The following CEP170 variants were observed in gnomAD, a reference collection of about 807,000 sequenced individuals.
CEP170 encodes centrosomal protein 170.
In CEP170, 21 loss-of-function variants were observed where a neutral mutation model predicts 151.9. The ratio of observed to expected loss-of-function variants is 0.14; its 90% confidence interval spans 0.10 to 0.20. CEP170 has a LOEUF of 0.20. Among genes scored for constraint, CEP170 ranks in the 10% least tolerant of loss-of-function variants. The pLI is 1.00. For missense variants in CEP170, 964 were observed against 1,892.9 expected, an observed-to-expected ratio of 0.51 and a Z score of 9.11; for synonymous variants, 356 against 648.8, an observed-to-expected ratio of 0.55 and a Z score of 6.86.
intron 1 of CEP170, among the ~76,000 whole-genome samples, chr1:243,243,774 C>A (rs958826109): frequency 6.6e-6 from 1 of 152,130 alleles, no homozygotes. Flanking sequence ...GATCCGCCTA[C>A]CTCAGCCTCC....
intron 15 of CEP170, chr1:243,140,452 C>T: frequency 5.7e-6 from 1 of 175,282 alleles, no homozygotes; most frequent in Non-Finnish European, 1.2e-5. Flanking sequence ...ATTTTACTCA[C>T]ATTGCCTTAC....
chr1:243,220,551 GT>G (rs112191804), intron 3 of CEP170, among the ~76,000 whole-genome samples: 18 of 151,768 alleles, frequency 1.2e-4, no homozygotes, highest in Non-Finnish European at 2.2e-4. Flanking sequence ...TTCAGAATTG[GT>G]TAAAAAAAAT....
chr1:243,234,699 A>G (rs2064102262), intron 1 of CEP170, among the ~76,000 whole-genome samples: 1 of 152,222 alleles, frequency 6.6e-6, no homozygotes, highest in African/African-American at 2.4e-5. Context: ...ATATATCCTC[A>G]ACACCAGAAG....
rs775187904 is a variant in CEP170, at chr1:243,165,739, C to T, written c.2221G>A (p.Val741Ile). Residue 741 changes from valine (V) to isoleucine (I), a missense_variant, in exon 13 of 20, where the codon GTA becomes ATA. Transcript: ENST00000366542. ...KSETDKETSL[V>I]KQTLAKLQQQ... ...TGAAGTTTTGCTAATGTTTGCTTTA[C>T]CAAAGAAGTTTCCTTATCAGTTTCA... 1 of 1,614,076 alleles carries T rather than the reference C, an allele frequency of 6.2e-7. No individual in the cohort carries two copies. The highest frequency in any genetic ancestry group is 8.5e-7 in the Non-Finnish European group (1 of 1,179,900).
chr1:243,175,783 G>C (rs974065147), intron 10 of CEP170, among the ~76,000 whole-genome samples: 8 of 132,304 alleles, frequency 6.0e-5, no homozygotes, highest in Non-Finnish European at 1.1e-4. Flanking sequence ...CCTGCTGGAA[G>C]GCTCAACAGT....
chr1:243,185,667 A>G lies in CEP170; in HGVS notation c.1566+112T>C. ...TGCAGTTCCCTAACAAAACCCTAAA[A>G]TTCACATACCACTGACTGCATGACA... is the stretch of plus-strand genomic sequence containing the variant. On this transcript the variant is annotated intron_variant, in intron 10 of 19. Coordinates refer to ENST00000366542, the MANE Select transcript of CEP170 (RefSeq NM_014812.3). This position sits in a 1 kb window ranked among gnomAD's most constrained non-coding sequence, Gnocchi z 4.9. 7.0e-7 allele frequency: 1 copy of G among 1,419,008 alleles called. No individual in the cohort carries two copies. The highest frequency in any genetic ancestry group is 1.4e-5 in the South Asian group (1 of 70,134). The allele number at this position is 1,419,008 out of a possible 1,614,324, so 87.9% of individuals were successfully genotyped here.
intron 13 of CEP170, among the ~76,000 whole-genome samples, chr1:243,158,101 C>T (rs1461007554): frequency 6.6e-6 from 1 of 152,066 alleles, no homozygotes; most frequent in Non-Finnish European, 1.5e-5. Flanking sequence ...AAAAAAACTT[C>T]TGTGAGTTGA....
intron 10 of CEP170, among the ~76,000 whole-genome samples, 180 bp from the exon 11 acceptor site, chr1:243,173,026 C>T (rs1035678692): frequency 1.3e-5 from 2 of 151,370 alleles, no homozygotes; most frequent in Admixed American, 6.6e-5. Context: ...TAGCTAGAAA[C>T]GAAAGCAGGC....
chr1:243,188,480 TTC>T (rs1465580407), intron 8 of CEP170, among the ~76,000 whole-genome samples: 2 of 152,232 alleles, frequency 1.3e-5, no homozygotes, highest in African/African-American at 4.8e-5. Flanking sequence ...AGCTGCAATT[TTC>T]TGTTTCTACT....
At chr1:243,214,280 G>GTTTT (rs758433258) in intron 3 of CEP170, among the ~76,000 whole-genome samples, 87 of 100,522 alleles carry the variant, frequency 8.7e-4, no homozygotes, top group Middle Eastern at 6.4e-3. Flanking sequence ...AAGCTGTAAA[G>GTTTT]TTTTTTTTTT....
In CEP170 at chr1:243,211,867, T is replaced by G. The variant is rs1392497920; in HGVS notation, c.274+19A>C. ...TATTTGAATAAATTTAATAAGTACA[T>G]AAAACCATTTAAGGATATCATATCC... On this transcript the variant is annotated intron_variant, in intron 4 of 19. Coordinates refer to ENST00000366542, the MANE Select transcript of CEP170 (RefSeq NM_014812.3). The G allele has an allele frequency of 1.2e-6, 2 of 1,600,960 alleles. No homozygotes were observed. The highest frequency in any genetic ancestry group is 1.3e-5 in the African/African-American group (1 of 74,496).
chr1:243,154,487 TC>T (rs1312589006), intron 14 of CEP170, among the ~76,000 whole-genome samples: 29 of 152,328 alleles, frequency 1.9e-4, no homozygotes, highest in African/African-American at 7.0e-4. Context: ...TCCACCACCC[TC>T]CTTTTTTCTC....
chr1:243,138,811 T>C (rs2055446848), intron 16 of CEP170, among the ~76,000 whole-genome samples: 1 of 152,136 alleles, frequency 6.6e-6, no homozygotes, highest in Non-Finnish European at 1.5e-5. Flanking sequence ...GGAAAGGGTT[T>C]TTCTTGTACA....
intron 1 of CEP170, among the ~76,000 whole-genome samples, chr1:243,243,850 C>CCACA (rs948343244): frequency 6.6e-6 from 1 of 151,620 alleles, no homozygotes; most frequent in South Asian, 2.1e-4. Flanking sequence ...AAAGTAGACA[C>CCACA]CACACACACA....
At chr1:243,134,461 A>T (rs879386154) in intron 17 of CEP170, among the ~76,000 whole-genome samples, 1 of 152,196 alleles carries the variant, frequency 6.6e-6, no homozygotes, top group Non-Finnish European at 1.5e-5. Flanking sequence ...ATTTATATGT[A>T]CAAGGTACTC....
intron 4 of CEP170, among the ~76,000 whole-genome samples, chr1:243,206,972 C>A (rs1401244317): frequency 6.6e-6 from 1 of 152,086 alleles, no homozygotes; most frequent in Admixed American, 6.5e-5. Flanking sequence ...ATAATAAAAA[C>A]TATTCAGATA....
chr1:243,171,325 T>C (rs569290725), intron 11 of CEP170, among the ~76,000 whole-genome samples: 26 of 152,270 alleles, frequency 1.7e-4, no homozygotes, highest in African/African-American at 4.8e-4. Context: ...AAATAGGCCA[T>C]ATAAAGAAAC....
intron 3 of CEP170, among the ~76,000 whole-genome samples, chr1:243,213,864 C>T (rs1251405669): frequency 6.6e-6 from 1 of 152,072 alleles, no homozygotes; most frequent in Non-Finnish European, 1.5e-5. Context: ...AGGCTTGTGC[C>T]ACCACACCCT....
Position 243,200,875 on chromosome 1 carries a change from A to G in CEP170, c.275-40T>C, listed in dbSNP as rs774262321. ...GGAAGAATATAACCTCAAATTTCTG[A>G]TAATTGAGCTAAAAATCGTCATCAA... On this transcript the variant is annotated intron_variant, in intron 4 of 19. Coordinates refer to ENST00000366542, the MANE Select transcript of CEP170 (RefSeq NM_014812.3). 9 of 1,580,856 alleles carry G rather than the reference A, an allele frequency of 5.7e-6. No homozygotes were observed. The South Asian group carries it at 8.3e-5, about 15-fold the overall frequency.
Sources: allele counts gnomAD v4.1 joint callset (sites outside exome capture counted in the v4.1 genomes callset), GRCh38; gene constraint gnomAD v4.1.1; non-coding constraint Gnocchi (gnomAD v3.1); transcripts MANE v1.5; gene names NCBI Gene and HGNC (gene_info 2026-07-23, HGNC 2026-07-21).